The following CBLB variants were observed in gnomAD, a reference collection of about 807,000 sequenced individuals.
CBLB encodes E3 ubiquitin-protein ligase CBL-B.
A neutral mutation model predicts 104.9 loss-of-function variants in CBLB; 31 were observed. The observed-to-expected ratio is 0.30, with a 90% CI of 0.22 to 0.40. The LOEUF (loss-of-function observed/expected upper bound fraction) is 0.40. Ranked by LOEUF, CBLB falls within the 10% of genes least tolerant of loss-of-function variation. The pLI is 1.00. For missense variants in CBLB, 1,062 were observed against 1,214.6 expected (o/e 0.87, Z 1.87); for synonymous variants, 440 against 422.6 (o/e 1.04, Z -0.51).
intron 17 of CBLB, among the ~76,000 whole-genome samples, chr3:105,677,700 T>G (rs1263298976): frequency 6.6e-6 from 1 of 151,500 alleles, no homozygotes. Context: ...TAATTCTAAC[T>G]AATGCAACAG....
chr3:105,792,436 G>A (rs1008671379), intron 3 of CBLB, among the ~76,000 whole-genome samples: 1 of 152,074 alleles, frequency 6.6e-6, no homozygotes, highest in Non-Finnish European at 1.5e-5. Flanking sequence ...GACCTCAAGG[G>A]CAACTACTTA....
chr3:105,681,089 CG>C, intron 16 of CBLB: 1 of 247,310 alleles, frequency 4.0e-6, no homozygotes, highest in Non-Finnish European at 7.8e-6. Flanking sequence ...ATTTAATTAG[CG>C]TAAGTGGAAC....
intron 18 of CBLB, among the ~76,000 whole-genome samples, chr3:105,666,015 G>A (rs2064406363): frequency 7.0e-6 from 1 of 143,804 alleles, no homozygotes; most frequent in Admixed American, 7.1e-5. Flanking sequence ...AACAGAGTGA[G>A]ACTCGTCTCA....
intron 3 of CBLB, among the ~76,000 whole-genome samples, chr3:105,852,319 T>C (rs903491897): frequency 5.3e-5 from 8 of 152,148 alleles, no homozygotes; most frequent in Non-Finnish European, 2.9e-5. Flanking sequence ...TGGAAGACAA[T>C]AATATTGATG....
intron 13 of CBLB, among the ~76,000 whole-genome samples, chr3:105,687,341 T>C (rs982041706): frequency 8.5e-5 from 13 of 152,128 alleles, no homozygotes; most frequent in Non-Finnish European, 1.6e-4. Flanking sequence ...TGGACCATTT[T>C]TTAAATCACA....
intron 3 of CBLB, among the ~76,000 whole-genome samples, chr3:105,782,578 CT>C (rs11333516): frequency 0.023 from 3,208 of 137,412 alleles, 79 homozygotes; most frequent in African/African-American, 0.073. Flanking sequence ...CTTTTCTTTT[CT>C]TTTTTTTTTT....
At chr3:105,742,589 TATGAG>T (rs1483189073) in intron 6 of CBLB, among the ~76,000 whole-genome samples, 1 of 152,068 alleles carries the variant, frequency 6.6e-6, no homozygotes, top group Non-Finnish European at 1.5e-5. Flanking sequence ...GCTATGATAT[TATGAG>T]AAGTGCCAAA....
At chr3:105,695,087 A>G (rs978482130) in intron 12 of CBLB, among the ~76,000 whole-genome samples, 2 of 151,896 alleles carry the variant, frequency 1.3e-5, no homozygotes, top group Non-Finnish European at 3.0e-5. Context: ...AATAGACACA[A>G]TGTAAGATAT....
intron 10 of CBLB, among the ~76,000 whole-genome samples, chr3:105,704,551 G>T (rs1194676951): frequency 6.6e-6 from 1 of 151,810 alleles, no homozygotes; most frequent in Non-Finnish European, 1.5e-5. Flanking sequence ...AAATTTTTTT[G>T]CTCGAGCTTT....
At chr3:105,661,982 G>A (rs1304542802) in intron 18 of CBLB, among the ~76,000 whole-genome samples, 1 of 152,138 alleles carries the variant, frequency 6.6e-6, no homozygotes, top group African/African-American at 2.4e-5. Flanking sequence ...CCAGAGAAGT[G>A]TGAAAGAACA....
At chr3:105,828,578 T>C (rs960268601) in intron 3 of CBLB, among the ~76,000 whole-genome samples, 2 of 152,142 alleles carry the variant, frequency 1.3e-5, no homozygotes, top group Non-Finnish European at 2.9e-5. Flanking sequence ...ACTAACAAAA[T>C]AAGTATCTTT....
rs2063504084 is a variant in CBLB at position 105,658,697 on chromosome 3, G to A, written c.*273C>T. 4.0e-6 allele frequency: 2 copies of A among 501,564 alleles called. No homozygotes were observed. The highest frequency in any genetic ancestry group is 5.5e-5 in the South Asian group (2 of 36,416). 31.1% of individuals were successfully genotyped at this position (501,564 alleles called of 1,614,324 possible). A position where few individuals can be genotyped will look rare whatever the true frequency, so the allele number is the denominator to read the frequency against. ...TGTAAACAAGGTAAAGCATTTCACA[G>A]GTTCAAAGTTCAAGGGAAGTAAACG... On this transcript the variant is annotated 3_prime_UTR_variant, in exon 19 of 19. Transcript: ENST00000394030.
chr3:105,737,350 C>A, intron 7 of CBLB, 92 bp from the exon 8 acceptor site: 1 of 588,262 alleles, frequency 1.7e-6, no homozygotes, highest in Non-Finnish European at 3.0e-6. Flanking sequence ...TTCAAACATA[C>A]ATTTGGATGT....
At chr3:105,791,329 T>C (rs2081612827) in intron 3 of CBLB, among the ~76,000 whole-genome samples, 1 of 152,222 alleles carries the variant, frequency 6.6e-6, no homozygotes, top group Non-Finnish European at 1.5e-5. Context: ...AATCACACTG[T>C]TGATGTACTT....
At chr3:105,856,849 T>C (rs2091673829) in intron 2 of CBLB, among the ~76,000 whole-genome samples, 1 of 152,208 alleles carries the variant, frequency 6.6e-6, no homozygotes, top group Non-Finnish European at 1.5e-5. Context: ...TACGTTAGTA[T>C]AATCAGAGTT....
chr3:105,851,556 T>C (rs941160758), intron 3 of CBLB, among the ~76,000 whole-genome samples: 2 of 152,178 alleles, frequency 1.3e-5, no homozygotes, highest in African/African-American at 4.8e-5. Context: ...GTATCAACAA[T>C]AGTTTATCAA....
intron 9 of CBLB, among the ~76,000 whole-genome samples, chr3:105,728,650 T>G (rs577894578): frequency 1.3e-5 from 2 of 152,198 alleles, no homozygotes; most frequent in Non-Finnish European, 2.9e-5. Context: ...CAAGTTTTAT[T>G]ACTAAGGGTA....
At chr3:105,760,020 C>T (rs150007331) in intron 4 of CBLB, among the ~76,000 whole-genome samples, 99 of 152,270 alleles carry the variant, frequency 6.5e-4, no homozygotes, top group African/African-American at 2.1e-3. Flanking sequence ...TATTCTGCAG[C>T]CTAAATCTAT....
chr3:105,730,606 T>C (rs955537607), intron 9 of CBLB, among the ~76,000 whole-genome samples: 1 of 152,052 alleles, frequency 6.6e-6, no homozygotes, highest in Non-Finnish European at 1.5e-5. Context: ...ATATTTACAA[T>C]ATGAACATAA....
Sources: gnomAD v4.1 joint callset for allele counts (sites outside exome capture counted in the v4.1 genomes callset) on GRCh38, gnomAD v4.1.1 for gene constraint, MANE v1.5 for transcripts, NCBI Gene and HGNC (gene_info 2026-07-23, HGNC 2026-07-21) for gene names.